Variants in ADCK5 observed in about 807,000 individuals in gnomAD.
The protein encoded by ADCK5 is aarF domain containing kinase 5.
In ADCK5, 43 loss-of-function variants were observed where a neutral mutation model predicts 64.9. The ratio of observed to expected loss-of-function variants is 0.66; its 90% CI spans 0.52 to 0.85. The LOEUF is 0.85. ADCK5 is among the 40% of genes least tolerant of loss of function. ADCK5 has a pLI of 0.00. For missense variants in ADCK5, 760 were observed against 810.5 expected, an observed-to-expected ratio of 0.94 and a Z score of 0.76; for synonymous variants, 434 against 342.8, an observed-to-expected ratio of 1.27 and a Z score of -2.94.
At position 144,391,939 on chromosome 8, in the gene ADCK5, A is replaced by C. The variant is rs1554860850; in HGVS notation, c.1015-2A>C. ...CCACTGCAATGCCTCTCCTCTCCCC[A>C]GATAGCAGAAAAGCTCATCAAGGCC... On this transcript the variant is annotated splice_acceptor_variant, in intron 9 of 14. Coordinates refer to ENST00000308860, the MANE Select transcript of ADCK5 (RefSeq NM_174922.5). LOFTEE classifies it high-confidence loss of function. 1.2e-6 allele frequency: 2 copies of C among 1,612,524 alleles called. No individual in the cohort carries two copies. Among genetic ancestry groups the C allele is most frequent in the Non-Finnish European group, 8.5e-7 (1 of 1,179,980 alleles).
chr8:144,388,719 C>T (rs1586591154), intron 3 of ADCK5, among the ~76,000 whole-genome samples: 1 of 150,862 alleles, frequency 6.6e-6, no homozygotes, highest in Admixed American at 6.6e-5. Flanking sequence ...GAGCCAAGAT[C>T]GCCACCACAC....
At chr8:144,385,530 C>T (rs1554859136) in intron 3 of ADCK5, among the ~76,000 whole-genome samples, 2 of 151,268 alleles carry the variant, frequency 1.3e-5, no homozygotes, top group African/African-American at 4.9e-5. Context: ...CCTGTAATCC[C>T]AGCTACTTTG....
Position 144,384,910 on chromosome 8 carries a change from G to A in ADCK5, c.266+1680G>A, listed in dbSNP as rs1819842853. 6.6e-6 allele frequency among the ~76,000 whole-genome samples: 1 copy of A among 152,186 alleles called. No homozygotes were observed. The highest frequency in any genetic ancestry group is 6.5e-5 in the Admixed American group (1 of 15,278). On this transcript the variant is annotated intron_variant, in intron 3 of 14. Transcript: ENST00000308860. The surrounding 1 kb of genome is among the most constrained non-coding windows in gnomAD (Gnocchi z 5.7). Reference sequence around the variant, plus strand: ...GTTCTCCTTGGCTCTAAGCCGTCACGGTTGCATAGACAAGCAGGCCTGTGG... The same window carrying A: ...GTTCTCCTTGGCTCTAAGCCGTCACAGTTGCATAGACAAGCAGGCCTGTGG...
chr8:144,392,334 T>TCGGGGTGCAAGGTGA lies in ADCK5; in HGVS notation c.1256_1257insCGGGGTGCAAGGTGA (p.Gln422_Asp423insGlyGluGlyValGln). ...GCCATGAGGGCGCACGCAGCCGCAC[T>TCGGGGTGCAAGGTGA]GGGGGTGCAAGGTGAGGGCGTGCGG... On this transcript the variant is annotated inframe_insertion, in exon 12 of 15. Transcript: ENST00000308860. The TCGGGGTGCAAGGTGA allele has an allele frequency of 2.7e-6, 4 of 1,476,844 alleles. No individual in the cohort carries two copies. Among genetic ancestry groups the TCGGGGTGCAAGGTGA allele is most frequent in the Non-Finnish European group, 3.6e-6 (4 of 1,115,098 alleles). 91.5% of individuals were successfully genotyped at this position (1,476,844 alleles called of 1,614,324 possible). A position where few individuals can be genotyped will look rare whatever the true frequency, so the allele number is the denominator to read the frequency against.
chr8:144,390,667 G>A lies in ADCK5; in HGVS notation c.267-4G>A, dbSNP rs782715520. 44 of 1,612,948 alleles carry A rather than the reference G, an allele frequency of 2.7e-5. No homozygotes were observed. Among genetic ancestry groups the A allele is most frequent in the Non-Finnish European group, 3.6e-5 (42 of 1,179,794 alleles). On this transcript the variant is annotated splice_polypyrimidine_tract_variant and splice_region_variant and intron_variant, in intron 3 of 14. Transcript: ENST00000308860. ...CTGGAGACTGAGGCCACCTCTGCCC[G>A]CAGGTCTCTGAAGGTCGGCCTGCAG... is the stretch of plus-strand genomic sequence containing the variant.
Position 144,392,911 on chromosome 8 carries a change from G to A in ADCK5, c.1637+19G>A. 1 of 1,596,844 alleles carries A rather than the reference G, an allele frequency of 6.3e-7. No homozygotes were observed. The highest frequency in any genetic ancestry group is 8.5e-7 in the Non-Finnish European group (1 of 1,174,522). On this transcript the variant is annotated intron_variant, in intron 14 of 14. Transcript: ENST00000308860. ...CGCTCAGGTGAGTGGCCGCGGGGCAGGTGGGTGGCGGGGGCCTGCTCCCCA... is the reference window on the plus strand; with the variant it reads ...CGCTCAGGTGAGTGGCCGCGGGGCAAGTGGGTGGCGGGGGCCTGCTCCCCA...
Position 144,392,592 on chromosome 8 carries a change from A to T in ADCK5, c.1415A>T (p.Glu472Val). 6.3e-7 allele frequency: 1 copy of T among 1,579,472 alleles called. No homozygotes were observed. Among genetic ancestry groups the T allele is most frequent in the South Asian group, 1.1e-5 (1 of 87,766 alleles). ...RFEAVMAVLRELPRPMLLVLR... is the reference protein window; with the variant it reads ...RFEAVMAVLRVLPRPMLLVLR... ...GAGGCCGTCATGGCGGTGCTCAGGG[A>T]GCTGCCGCGGCCCATGCTGCTGGTG... The change falls in exon 13 of 15, where the codon GAG becomes GTG. Residue 472 changes from glutamate (E) to valine (V), a missense_variant. Around this residue, in one of 2 missense-constraint regions of ADCK5, gnomAD observed 333 missense variants for 292.0 expected, o/e 1.14. Transcript: ENST00000308860.
At chr8:144,382,498 T>C (rs1462926923) in intron 2 of ADCK5, among the ~76,000 whole-genome samples, 3 of 152,206 alleles carry the variant, frequency 2.0e-5, no homozygotes, top group African/African-American at 7.2e-5. Flanking sequence ...TCAGGGAGTA[T>C]TGGGCTCCTG....
At position 144,376,530 on chromosome 8, in the gene ADCK5, C is replaced by T. The variant is rs1294893357; in HGVS notation, c.12+2423C>T. 6.6e-6 allele frequency among the ~76,000 whole-genome samples: 1 copy of T among 152,202 alleles called. No homozygotes were observed. Among genetic ancestry groups the T allele is most frequent in the African/African-American group, 2.4e-5 (1 of 41,444 alleles). ...CGCAGCTGGAGCCCCTTCTGCAATGCTGGTTCCTGAGGAAAGAGCAGAAAA... is the reference window on the plus strand; with the variant it reads ...CGCAGCTGGAGCCCCTTCTGCAATGTTGGTTCCTGAGGAAAGAGCAGAAAA... On this transcript the variant is annotated intron_variant, in intron 1 of 14. Coordinates refer to ENST00000308860, the MANE Select transcript of ADCK5 (RefSeq NM_174922.5). This position sits in a 1 kb window ranked among gnomAD's most constrained non-coding sequence, Gnocchi z 5.1.
chr8:144,386,332 A>T (rs550497009), intron 3 of ADCK5, among the ~76,000 whole-genome samples: 51 of 149,256 alleles, frequency 3.4e-4, no homozygotes, highest in African/African-American at 9.1e-4. Flanking sequence ...TTTTTTTTTA[A>T]AATTTTTTAA....
chr8:144,375,443 G>T, intron 1 of ADCK5: 1 of 985,168 alleles, frequency 1.0e-6, no homozygotes, highest in Non-Finnish European at 1.2e-6. Flanking sequence ...CCCAGGCTCT[G>T]GTCATCCGTT....
chr8:144,392,750 C>T (rs371913939), intron 13 of ADCK5, 26 bp from the exon 14 acceptor site: 14 of 1,585,406 alleles, frequency 8.8e-6, no homozygotes, highest in South Asian at 4.5e-5. Flanking sequence ...GTGGGGCTGA[C>T]GCGGCGCTAA....
In ADCK5 at chr8:144,391,672, C is replaced by T. The variant is rs918153788; in HGVS notation, c.891C>T (p.Tyr297=). The part of the protein sequence containing the change: ...RCARELAHFP[Y]VVVPRVHWDK... ...CGCGGGAGCTGGCGCACTTCCCCTACGTCGTGGTGCCCCGCGTGCACTGGG... is the reference window on the plus strand; with the variant it reads ...CGCGGGAGCTGGCGCACTTCCCCTATGTCGTGGTGCCCCGCGTGCACTGGG... Residue 297 remains tyrosine, a synonymous_variant, in exon 8 of 15, where the codon TAC becomes TAT. Transcript: ENST00000308860. The T allele has an allele frequency of 5.6e-5, 87 of 1,542,594 alleles. No homozygotes were observed. Among genetic ancestry groups the T allele is most frequent in the Non-Finnish European group, 7.2e-5 (83 of 1,148,122 alleles).
rs782726471 is a variant in ADCK5, at chr8:144,392,437, C to G, written c.1268-8C>G. 4 of 1,494,584 alleles carry G rather than the reference C, an allele frequency of 2.7e-6. No individual in the cohort carries two copies. Among genetic ancestry groups the G allele is most frequent in the Non-Finnish European group, 2.7e-6 (3 of 1,121,664 alleles). The allele number at this position is 1,494,584 out of a possible 1,614,324, so 92.6% of individuals were successfully genotyped here. ...GCCCCCTCCCTCCCTCCCTCCCTCC[C>G]TCCCCAGACTACCTCCTGTTCGCCG... On this transcript the variant is annotated splice_region_variant and splice_polypyrimidine_tract_variant and intron_variant, in intron 12 of 14. Coordinates refer to ENST00000308860, the MANE Select transcript of ADCK5 (RefSeq NM_174922.5).
rs782143364 is a variant in ADCK5 at position 144,379,383 on chromosome 8, G to C, written c.13-4G>C. On this transcript the variant is annotated splice_region_variant and splice_polypyrimidine_tract_variant and intron_variant, in intron 1 of 14. Transcript: ENST00000308860. ...CGACCCCACACAATTTCCTCTCTTT[G>C]CAGGTGCAGCTCTGTCATTTCCACT... 2 of 1,599,246 alleles carry C rather than the reference G, an allele frequency of 1.3e-6. No homozygotes were observed. Among genetic ancestry groups the C allele is most frequent in the Admixed American group, 3.4e-5 (2 of 58,778 alleles).
At position 144,391,673 on chromosome 8, in the gene ADCK5, G is replaced by C. The variant is rs370166194; in HGVS notation, c.892G>C (p.Val298Leu). ...CARELAHFPYVVVPRVHWDKS... is the reference protein window; with the variant it reads ...CARELAHFPYLVVPRVHWDKS... ...GCGGGAGCTGGCGCACTTCCCCTAC[G>C]TCGTGGTGCCCCGCGTGCACTGGGA... is the stretch of plus-strand genomic sequence containing the variant. The change falls in exon 8 of 15, where the codon GTC (valine) becomes CTC (leucine). Residue 298 changes from valine (V) to leucine (L), a missense_variant. By Grantham distance (32) the Val-to-Leu change is conservative (BLOSUM62 1). Around this residue, in one of 2 missense-constraint regions of ADCK5, gnomAD observed 427 missense variants for 518.4 expected, o/e 0.82. Transcript: ENST00000308860. 5 of 1,542,520 alleles carry C rather than the reference G, an allele frequency of 3.2e-6. No individual in the cohort carries two copies. The Admixed American group carries it at 9.8e-5, about 30-fold the overall frequency.
intron 1 of ADCK5, among the ~76,000 whole-genome samples, chr8:144,374,930 C>G (rs546639083): frequency 6.6e-6 from 1 of 152,368 alleles, no homozygotes; most frequent in South Asian, 2.1e-4. Flanking sequence ...ATCTTACCCA[C>G]CCCCTTCCAG....
intron 2 of ADCK5, among the ~76,000 whole-genome samples, chr8:144,381,618 C>G (rs1304542980): frequency 8.2e-4 from 71 of 87,116 alleles, no homozygotes; most frequent in Admixed American, 2.3e-3. Flanking sequence ...TCAGGCACCT[C>G]CCGCAGTCAG....
intron 3 of ADCK5, 21 bp from the exon 4 acceptor site, chr8:144,390,650 T>TG: frequency 6.2e-7 from 1 of 1,611,784 alleles, no homozygotes; most frequent in Non-Finnish European, 8.5e-7. Flanking sequence ...CGCTGGAGAC[T>TG]GAGGCCACCT....
Sources: gnomAD v4.1 joint callset for allele counts (sites outside exome capture counted in the v4.1 genomes callset) on GRCh38, gnomAD v4.1.1 for gene constraint, gnomAD v4.1.1 regional missense constraint, Gnocchi (gnomAD v3.1) non-coding constraint, MANE v1.5 for transcripts, NCBI Gene and HGNC (gene_info 2026-07-23, HGNC 2026-07-21) for gene names.